Variants in NWD2 observed in about 807,000 individuals in gnomAD.
The protein encoded by NWD2 is NACHT and WD repeat domain-containing protein 2.
A neutral mutation model predicts 132.7 loss-of-function variants in NWD2; 37 were observed. That is an observed-to-expected ratio of 0.28 (90% CI 0.21 to 0.37). NWD2 has a LOEUF of 0.37. NWD2 is among the 10% of genes least tolerant of loss of function. The pLI is 1.00. For missense variants in NWD2, 1,592 were observed against 2,122.4 expected, an observed-to-expected ratio of 0.75 and a Z score of 4.91; for synonymous variants, 705 against 803.0, an observed-to-expected ratio of 0.88 and a Z score of 2.06.
chr4:37,267,116 G>C (rs1414009860), intron 1 of NWD2, among the ~76,000 whole-genome samples: 1 of 151,970 alleles, frequency 6.6e-6, no homozygotes, highest in Non-Finnish European at 1.5e-5. Flanking sequence ...AGGAGAAACA[G>C]AAAACTAGTC....
intron 1 of NWD2, among the ~76,000 whole-genome samples, chr4:37,274,970 A>G (rs1577652052): frequency 1.3e-5 from 2 of 152,098 alleles, no homozygotes; most frequent in African/African-American, 4.8e-5. Flanking sequence ...CACAGCCAAT[A>G]TCATACTGAA....
At position 37,382,191 on chromosome 4, in the gene NWD2, G is replaced by A. The variant is rs570556801; in HGVS notation, c.357+25709G>A. Among the ~76,000 whole-genome samples, 19 of 152,302 alleles carry A rather than the reference G, an allele frequency of 1.2e-4. No homozygotes were observed. In the South Asian group the frequency reaches 3.5e-3, roughly 28 times the overall value. ...ATTTCGCAAATCCACACTTTGTGTT[G>A]CCAAAAACCACAGCAGAGATTTCAG... On this transcript the variant is annotated intron_variant, in intron 3 of 6. Transcript: ENST00000309447.
chr4:37,312,928 A>G (rs1718879771), intron 1 of NWD2, among the ~76,000 whole-genome samples: 1 of 151,244 alleles, frequency 6.6e-6, no homozygotes, highest in East Asian at 1.9e-4. Flanking sequence ...GCTGGATTAC[A>G]TTTATTAATT....
intron 3 of NWD2, among the ~76,000 whole-genome samples, chr4:37,392,652 G>A (rs1045882589): frequency 5.3e-5 from 8 of 152,164 alleles, no homozygotes; most frequent in African/African-American, 1.7e-4. Flanking sequence ...AGTGCGAGTG[G>A]GCAGGGAGTC....
chr4:37,420,988 A>G (rs2928287), intron 3 of NWD2, among the ~76,000 whole-genome samples: 35,241 of 152,110 alleles, frequency 0.23, 4,950 homozygotes, highest in Middle Eastern at 0.31. Flanking sequence ...CACTTGAATA[A>G]CACAGACATT....
chr4:37,347,683 A>G (rs147834973), intron 2 of NWD2, among the ~76,000 whole-genome samples: 4 of 152,318 alleles, frequency 2.6e-5, no homozygotes, highest in African/African-American at 2.4e-5. Context: ...TATGTTACAA[A>G]TTCAATGGCA....
At chr4:37,257,175 G>A (rs762726846) in intron 1 of NWD2, among the ~76,000 whole-genome samples, 6 of 152,162 alleles carry the variant, frequency 3.9e-5, no homozygotes, top group Admixed American at 3.9e-4. Context: ...CTTCACCCCC[G>A]TTGAGCTTCC....
chr4:37,303,577 G>A (rs994505912), intron 1 of NWD2, among the ~76,000 whole-genome samples: 1 of 151,734 alleles, frequency 6.6e-6, no homozygotes, highest in Non-Finnish European at 1.5e-5. Context: ...ATTCAAAAAC[G>A]TGATTTTTTT....
chr4:37,365,224 C>T (rs1271864384), intron 3 of NWD2, among the ~76,000 whole-genome samples: 1 of 152,134 alleles, frequency 6.6e-6, no homozygotes, highest in Non-Finnish European at 1.5e-5. Context: ...AAATATTTCA[C>T]ATTTATCCAT....
chr4:37,337,774 T>C (rs973133772), intron 2 of NWD2, among the ~76,000 whole-genome samples: 2 of 152,200 alleles, frequency 1.3e-5, no homozygotes, highest in Middle Eastern at 3.2e-3. Flanking sequence ...CTCTCCTCCA[T>C]AGTTGTGTGA....
In NWD2 at chr4:37,244,990, C is replaced by A. The variant is rs886086815; in HGVS notation, c.-78C>A. On this transcript the variant is annotated 5_prime_UTR_variant, in exon 1 of 7. Transcript: ENST00000309447. This position sits in a 1 kb window ranked among gnomAD's most constrained non-coding sequence, Gnocchi z 5.5. ...TGCTGAGATCGACCGCCTGCTGAGC[C>A]GTTCCGTGGAGCTGCGGGCAGGAAC... 6.6e-7 allele frequency: 1 copy of A among 1,521,986 alleles called. No individual in the cohort carries two copies. The highest frequency in any genetic ancestry group is 8.8e-7 in the Non-Finnish European group (1 of 1,135,668). The allele number at this position is 1,521,986 out of a possible 1,614,324, so 94.3% of individuals were successfully genotyped here. A position where few individuals can be genotyped will look rare whatever the true frequency, so the allele number is the denominator to read the frequency against.
intron 3 of NWD2, among the ~76,000 whole-genome samples, chr4:37,367,860 G>A (rs1720133508): frequency 6.6e-6 from 1 of 152,110 alleles, no homozygotes; most frequent in African/African-American, 2.4e-5. Context: ...TAAGGGATAA[G>A]AGCCAGGATT....
chr4:37,252,837 A>G (rs1166096124), intron 1 of NWD2, among the ~76,000 whole-genome samples: 1 of 152,222 alleles, frequency 6.6e-6, no homozygotes, highest in African/African-American at 2.4e-5. Context: ...TGGGCTTGGA[A>G]GTCCCAGAAT....
rs116326375 is a variant in NWD2, at chr4:37,391,968, C to T, written c.357+35486C>T. Among the ~76,000 whole-genome samples the T allele has an allele frequency of 9.3e-3, 1,419 of 152,212 alleles. 26 individuals are homozygous for T. Among genetic ancestry groups the T allele is most frequent in the African/African-American group, 0.032 (1,332 of 41,528 alleles). On this transcript the variant is annotated intron_variant, in intron 3 of 6. Transcript: ENST00000309447. Reference sequence around the variant, plus strand: ...CCTGTCATCCCAGCACTTTGGGAGGCGGAGGGTCGATTACTTGAGATCAGG... The same window carrying T: ...CCTGTCATCCCAGCACTTTGGGAGGTGGAGGGTCGATTACTTGAGATCAGG...
intron 3 of NWD2, among the ~76,000 whole-genome samples, chr4:37,394,207 T>C (rs1720734423): frequency 6.6e-6 from 1 of 152,266 alleles, no homozygotes; most frequent in African/African-American, 2.4e-5. Context: ...CATTGTTATC[T>C]GTCTAGCATC....
rs1577655177 is a variant in NWD2 at position 37,284,334 on chromosome 4, T to G, written c.151+39116T>G. On this transcript the variant is annotated intron_variant, in intron 1 of 6. Coordinates refer to ENST00000309447, the MANE Select transcript of NWD2 (RefSeq NM_001144990.2). ...GACTTAATTACTTCCCAAAAGCCTC[T>G]CCCTCTATTACCTTCAGGTGAGAGT... Among the ~76,000 whole-genome samples, 3 of 152,322 alleles carry G rather than the reference T, an allele frequency of 2.0e-5. No individual in the cohort carries two copies. In the South Asian group the frequency reaches 6.2e-4, roughly 32 times the overall value.
At chr4:37,421,673 C>T (rs138434697) in intron 3 of NWD2, among the ~76,000 whole-genome samples, 58 of 152,328 alleles carry the variant, frequency 3.8e-4, no homozygotes, top group African/African-American at 1.3e-3. Flanking sequence ...ATATGTTAGA[C>T]GAAATTGGTA....
chr4:37,274,603 C>A (rs190150599), intron 1 of NWD2, among the ~76,000 whole-genome samples: 2,892 of 152,208 alleles, frequency 0.019, 108 homozygotes, highest in African/African-American at 0.066. Flanking sequence ...CATCCTGATA[C>A]CAAAGCCTGG....
chr4:37,319,654 G>C (rs547110798), intron 1 of NWD2, among the ~76,000 whole-genome samples: 1 of 152,124 alleles, frequency 6.6e-6, no homozygotes, highest in Non-Finnish European at 1.5e-5. Context: ...TTTATATATA[G>C]TGAAAGATAG....
Sources: gnomAD v4.1 joint callset for allele counts (sites outside exome capture counted in the v4.1 genomes callset) on GRCh38, gnomAD v4.1.1 for gene constraint, Gnocchi (gnomAD v3.1) non-coding constraint, MANE v1.5 for transcripts, NCBI Gene and HGNC (gene_info 2026-07-23, HGNC 2026-07-21) for gene names.